PTPRD: variants seen among roughly 807,000 people sequenced by gnomAD.
The protein encoded by PTPRD is receptor-type tyrosine-protein phosphatase delta.
In PTPRD, 34 loss-of-function variants were observed where a neutral mutation model predicts 214.5. That is an observed-to-expected ratio of 0.16 (90% CI 0.12 to 0.21). The LOEUF (loss-of-function observed/expected upper bound fraction) is 0.21. Among genes scored for constraint, PTPRD ranks in the 10% least tolerant of loss-of-function variants. The pLI is 1.00. For synonymous variants in PTPRD, 1,128 were observed against 845.7 expected (o/e 1.33, Z -5.79); for missense variants, 2,545 against 2,398.7 (o/e 1.06, Z -1.27).
chr9:8,946,816 T>C (rs2099067550), intron 11 of PTPRD, among the ~76,000 whole-genome samples: 1 of 152,042 alleles, frequency 6.6e-6, no homozygotes, highest in Admixed American at 6.5e-5. Context: ...TTGTCCCTTT[T>C]TTTCCCCCCA....
chr9:9,462,875 T>C (rs745566139), intron 8 of PTPRD, among the ~76,000 whole-genome samples: 1 of 152,160 alleles, frequency 6.6e-6, no homozygotes, highest in Non-Finnish European at 1.5e-5. Flanking sequence ...TTACCAAAAG[T>C]TCTTGTCTGC....
chr9:9,956,051 A>C lies in PTPRD; in HGVS notation c.-471-17441T>G, dbSNP rs118126821. Reference sequence around the variant, plus strand: ...AAATGTACCAACCCACTAACTGTTGATCACGTGTTAAATGCAAGCTTTTAA... The same window carrying C: ...AAATGTACCAACCCACTAACTGTTGCTCACGTGTTAAATGCAAGCTTTTAA... On this transcript the variant is annotated intron_variant, in intron 4 of 45. Transcript: ENST00000381196. Among the ~76,000 whole-genome samples, 35 of 152,286 alleles carry C rather than the reference A, an allele frequency of 2.3e-4. 1 individual carries two copies. In the East Asian group the frequency reaches 6.4e-3, roughly 28 times the overall value.
At chr9:8,770,880 C>A (rs2095151999) in intron 11 of PTPRD, among the ~76,000 whole-genome samples, 1 of 152,128 alleles carries the variant, frequency 6.6e-6, no homozygotes, top group Non-Finnish European at 1.5e-5. Context: ...TGCACAGTTT[C>A]TTTGATAACA....
intron 3 of PTPRD, among the ~76,000 whole-genome samples, chr9:10,184,260 AC>A (rs1271672865): frequency 2.6e-5 from 4 of 152,092 alleles, no homozygotes; most frequent in Non-Finnish European, 5.9e-5. Flanking sequence ...CCACATCTCT[AC>A]CAAAAATAGA....
intron 11 of PTPRD, among the ~76,000 whole-genome samples, chr9:9,006,088 G>A (rs2099464073): frequency 6.6e-6 from 1 of 151,878 alleles, no homozygotes; most frequent in Non-Finnish European, 1.5e-5. Flanking sequence ...GATGGCTGTT[G>A]TCTGGTTTAG....
intron 11 of PTPRD, among the ~76,000 whole-genome samples, chr9:8,846,639 G>T (rs189934731): frequency 1.3e-5 from 2 of 152,084 alleles, no homozygotes; most frequent in Non-Finnish European, 2.9e-5. Flanking sequence ...GGAAGAGAGA[G>T]AGCATGCTCA....
At chr9:8,355,077 A>T (rs1484728980) in intron 39 of PTPRD, among the ~76,000 whole-genome samples, 1 of 151,884 alleles carries the variant, frequency 6.6e-6, no homozygotes, top group Non-Finnish European at 1.5e-5. Context: ...GCCTGGTGGG[A>T]AGTGTTTGGA....
chr9:10,384,212 G>T (rs919198847), intron 2 of PTPRD, among the ~76,000 whole-genome samples: 1 of 151,740 alleles, frequency 6.6e-6, no homozygotes, highest in African/African-American at 2.4e-5. Flanking sequence ...ATAAATGCTT[G>T]AAGGAATGGA....
rs201055413 is a variant in PTPRD, at chr9:9,982,475, GGT to G, written c.-471-43867_-471-43866del. Among the ~76,000 whole-genome samples the G allele has an allele frequency of 9.1e-3, 426 of 46,770 alleles. 3 individuals are homozygous for G. The highest frequency in any genetic ancestry group is 0.017 in the Middle Eastern group (1 of 58). 30.7% of individuals were successfully genotyped at this position (46,770 alleles called of 152,430 possible). On this transcript the variant is annotated intron_variant, in intron 4 of 45. Coordinates refer to ENST00000381196, the MANE Select transcript of PTPRD (RefSeq NM_002839.4). ...CATATATTGTTGTTGTGGTGGTGGT[GGT>G]GTGTGTGTGTGTGTGTGTGTGTGTG...
At chr9:10,170,366 T>A (rs571954294) in intron 3 of PTPRD, among the ~76,000 whole-genome samples, 1 of 152,150 alleles carries the variant, frequency 6.6e-6, no homozygotes, top group South Asian at 2.1e-4. Flanking sequence ...ATTAAATTAT[T>A]CTTTGAAAGA....
At chr9:10,164,144 C>T (rs1478623379) in intron 3 of PTPRD, among the ~76,000 whole-genome samples, 2 of 151,472 alleles carry the variant, frequency 1.3e-5, no homozygotes, top group East Asian at 3.9e-4. Flanking sequence ...AATACCTGCA[C>T]TAATATTTAA....
chr9:10,416,346 A>G (rs188614667), intron 2 of PTPRD, among the ~76,000 whole-genome samples: 10 of 151,672 alleles, frequency 6.6e-5, no homozygotes, highest in African/African-American at 2.4e-4. Context: ...GCAAGAGAGT[A>G]TGACTCCTTC....
intron 2 of PTPRD, among the ~76,000 whole-genome samples, chr9:10,355,426 T>C (rs892813939): frequency 6.6e-6 from 1 of 152,098 alleles, no homozygotes; most frequent in African/African-American, 2.4e-5. Context: ...TGAGAGCTTA[T>C]AGAACTTCTG....
intron 5 of PTPRD, among the ~76,000 whole-genome samples, chr9:9,898,609 T>C (rs1245209728): frequency 6.6e-6 from 1 of 152,096 alleles, no homozygotes; most frequent in Non-Finnish European, 1.5e-5. Context: ...AAAAAGATTC[T>C]TTTGTGTGGT....
chr9:8,797,327 G>C (rs2096459074), intron 11 of PTPRD: 1 of 152,060 alleles, frequency 6.6e-6, no homozygotes, highest in African/African-American at 2.4e-5. Context: ...AATATGAAAA[G>C]CTCATTTAAA....
Position 8,404,546 on chromosome 9 carries a change from C to T in PTPRD, c.4201G>A (p.Ala1401Thr), listed in dbSNP as rs560862651. The T allele has an allele frequency of 3.1e-6, 5 of 1,612,154 alleles. No homozygotes were observed. The highest frequency in any genetic ancestry group is 8.5e-7 in the Non-Finnish European group (1 of 1,178,516). Residue 1401 changes from alanine to threonine, a missense_variant, in exon 36 of 46, where the codon GCT becomes ACT. Physicochemically the swap from Ala to Thr is moderately conservative, Grantham distance 58 (BLOSUM62 0). Transcript: ENST00000381196. Reference sequence around the variant, plus strand: ...GTCTGCATTTCCTTACCTTCTATAGCTGATAGGAGAACCCGGGAATGATCA... The same window carrying T: ...GTCTGCATTTCCTTACCTTCTATAGTTGATAGGAGAACCCGGGAATGATCA... ...AYDHSRVLLS[A>T]IEGIPGSDYV...
At chr9:8,964,574 G>T (rs1201512283) in intron 11 of PTPRD, among the ~76,000 whole-genome samples, 1 of 151,768 alleles carries the variant, frequency 6.6e-6, no homozygotes, top group Non-Finnish European at 1.5e-5. Context: ...CTCAATTTTA[G>T]TTATTTCTTT....
chr9:9,632,602 AAGAG>A (rs909636049), intron 7 of PTPRD, among the ~76,000 whole-genome samples: 4 of 147,138 alleles, frequency 2.7e-5, no homozygotes, highest in Admixed American at 6.7e-5. Flanking sequence ...AGTAAAACAA[AAGAG>A]AGAAAGTTAA....
intron 3 of PTPRD, among the ~76,000 whole-genome samples, chr9:10,044,380 T>A (rs1361942988): frequency 6.6e-6 from 1 of 151,792 alleles, no homozygotes; most frequent in Non-Finnish European, 1.5e-5. Flanking sequence ...TCTGATTTAC[T>A]GTGCTGGCTC....
Sources: gnomAD v4.1 joint callset for allele counts (sites outside exome capture counted in the v4.1 genomes callset) on GRCh38, gnomAD v4.1.1 for gene constraint, MANE v1.5 for transcripts, NCBI Gene and HGNC (gene_info 2026-07-23, HGNC 2026-07-21) for gene names.